The following DLEU7 variants were observed in gnomAD, a reference collection of about 807,000 sequenced individuals.
DLEU7 encodes the protein leukemia-associated protein 7.
A neutral mutation model predicts 16.0 loss-of-function variants in DLEU7; 17 were observed. The ratio of observed to expected loss-of-function variants is 1.06; its 90% CI spans 0.73 to 1.59. DLEU7 has a LOEUF of 1.59. DLEU7 is among the 40% of genes most tolerant of loss of function. The pLI, the probability that DLEU7 is intolerant of heterozygous loss-of-function variation, is 0.00. For synonymous variants in DLEU7, 113 were observed against 139.8 expected (o/e 0.81, Z 1.35); for missense variants, 308 against 314.9 (o/e 0.98, Z 0.17).
chr13:50,723,818 A>G (rs1165685591), intron 1 of DLEU7, among the ~76,000 whole-genome samples: 1 of 151,944 alleles, frequency 6.6e-6, no homozygotes, highest in East Asian at 1.9e-4. Flanking sequence ...GGTTCAGTCT[A>G]TAGCAGAAAA....
intron 1 of DLEU7, among the ~76,000 whole-genome samples, chr13:50,767,079 G>A (rs1390568340): frequency 6.6e-6 from 1 of 152,164 alleles, no homozygotes; most frequent in Non-Finnish European, 1.5e-5. Context: ...ATCCCTGATG[G>A]CTTTCATCCA....
intron 1 of DLEU7, among the ~76,000 whole-genome samples, chr13:50,765,366 G>A (rs553614679): frequency 1.3e-5 from 2 of 152,186 alleles, no homozygotes; most frequent in African/African-American, 4.8e-5. Flanking sequence ...AGCCTGAAGG[G>A]TGCAGACAGG....
intron 1 of DLEU7, among the ~76,000 whole-genome samples, chr13:50,747,924 C>G: frequency 6.6e-6 from 1 of 152,230 alleles, no homozygotes. Context: ...ACCATGGCAA[C>G]TGGCATGCTC....
intron 1 of DLEU7, among the ~76,000 whole-genome samples, chr13:50,817,543 A>T (rs1213198230): frequency 6.6e-6 from 1 of 152,152 alleles, no homozygotes; most frequent in African/African-American, 2.4e-5. Flanking sequence ...GCTGAATTAA[A>T]TGTGTCTTGA....
chr13:50,819,727 T>C (rs903398779), downstream of DLEU7, among the ~76,000 whole-genome samples: 2 of 152,182 alleles, frequency 1.3e-5, no homozygotes, highest in African/African-American at 4.8e-5. Flanking sequence ...ATTTGAAAGA[T>C]GGCAGAGAAG....
At chr13:50,730,302 G>A (rs570665878) in intron 1 of DLEU7, among the ~76,000 whole-genome samples, 3 of 152,054 alleles carry the variant, frequency 2.0e-5, no homozygotes, top group Non-Finnish European at 4.4e-5. Context: ...GTTGTTCAAG[G>A]GTCAACCATG....
intron 1 of DLEU7, among the ~76,000 whole-genome samples, chr13:50,807,297 C>A (rs9535489): frequency 0.085 from 12,864 of 151,924 alleles, 757 homozygotes; most frequent in East Asian, 0.16. Context: ...TTCTTAGAAT[C>A]CTGCTTTATT....
At chr13:50,834,703 A>G (rs1877393773) in intron 1 of DLEU7, among the ~76,000 whole-genome samples, 1 of 152,170 alleles carries the variant, frequency 6.6e-6, no homozygotes, top group South Asian at 2.1e-4. Context: ...TATACACCCA[A>G]AGGATTATAG....
At chr13:50,748,052 G>A (rs675305) in intron 1 of DLEU7, among the ~76,000 whole-genome samples, 79,380 of 151,978 alleles carry the variant, frequency 0.52, 22,007 homozygotes, top group African/African-American at 0.71. Flanking sequence ...AAAATCAAGC[G>A]CACAAACATT....
chr13:50,830,597 GT>G (rs1234091305), intron 1 of DLEU7, among the ~76,000 whole-genome samples: 2 of 152,178 alleles, frequency 1.3e-5, no homozygotes, highest in African/African-American at 4.8e-5. Flanking sequence ...AGAGTGCTGG[GT>G]TTTTATTGTT....
chr13:50,773,816 A>G (rs1379562645), intron 1 of DLEU7, among the ~76,000 whole-genome samples: 2 of 152,244 alleles, frequency 1.3e-5, no homozygotes, highest in Non-Finnish European at 2.9e-5. Flanking sequence ...GAGCTGTCAG[A>G]CAGGGACATT....
intron 1 of DLEU7, among the ~76,000 whole-genome samples, chr13:50,756,390 G>C (rs566128624): frequency 1.3e-5 from 2 of 152,294 alleles, no homozygotes; most frequent in African/African-American, 2.4e-5. Flanking sequence ...GGGTCTTGCT[G>C]TGGCTGCTGT....
rs569938327 is a variant in DLEU7, at chr13:50,748,703, G to A, written c.460-35463C>T. Among the ~76,000 whole-genome samples, 9 of 152,260 alleles carry A rather than the reference G, an allele frequency of 5.9e-5. No individual in the cohort carries two copies. In the South Asian group the frequency reaches 1.9e-3, roughly 32 times the overall value. On this transcript the variant is annotated intron_variant, in intron 1 of 1. Transcript: ENST00000400393. The stretch of plus-strand genomic sequence containing the variant: ...TTTTTGAAGAAGAAAATGAGGAAGA[G>A]AGAATGAGAGACAGGGAGACAGAGA...
chr13:50,760,101 A>C (rs981264421), intron 1 of DLEU7, among the ~76,000 whole-genome samples: 2 of 152,194 alleles, frequency 1.3e-5, no homozygotes, highest in Admixed American at 1.3e-4. Flanking sequence ...TGGTTTTTAG[A>C]CAGCAATGTT....
At chr13:50,721,283 C>T (rs536912274) in intron 1 of DLEU7, among the ~76,000 whole-genome samples, 2 of 152,314 alleles carry the variant, frequency 1.3e-5, no homozygotes, top group South Asian at 4.1e-4. Flanking sequence ...CTGAAGGATA[C>T]ACTGTCAGCT....
At chr13:50,767,440 A>G (rs927950464) in intron 1 of DLEU7, among the ~76,000 whole-genome samples, 1 of 128,416 alleles carries the variant, frequency 7.8e-6, no homozygotes, top group African/African-American at 3.0e-5. Flanking sequence ...TGGGCGACAG[A>G]GCGAGACTCC....
At chr13:50,713,062 C>A (rs1203509583) in exon 2 of DLEU7, 7 of 747,696 alleles carry the variant, frequency 9.4e-6, no homozygotes, top group Non-Finnish European at 1.3e-5. Flanking sequence ...AGAGACCATG[C>A]AATTGGAGAC....
At chr13:50,746,305 A>G (rs1874393094) in intron 1 of DLEU7, among the ~76,000 whole-genome samples, 1 of 152,184 alleles carries the variant, frequency 6.6e-6, no homozygotes, top group South Asian at 2.1e-4. Flanking sequence ...CCTACAATGA[A>G]AGGAAAATAG....
chr13:50,772,067 T>C (rs1410422876), intron 1 of DLEU7, among the ~76,000 whole-genome samples: 1 of 152,226 alleles, frequency 6.6e-6, no homozygotes, highest in Non-Finnish European at 1.5e-5. Flanking sequence ...GTCTGTTTTA[T>C]CAGAGACTAG....
Sources: allele counts gnomAD v4.1 joint callset (sites outside exome capture counted in the v4.1 genomes callset), GRCh38; gene constraint gnomAD v4.1.1; transcripts MANE v1.5; gene names NCBI Gene and HGNC (gene_info 2026-07-23, HGNC 2026-07-21).